Variants in ADK observed in about 807,000 individuals in gnomAD.
ADK encodes the protein adenosine kinase.
A neutral mutation model predicts 44.7 loss-of-function variants in ADK; 24 were observed. That is an observed-to-expected ratio of 0.54 (90% confidence interval 0.39 to 0.76). The LOEUF (loss-of-function observed/expected upper bound fraction) is 0.76. Among genes scored for constraint, ADK ranks in the 30% least tolerant of loss-of-function variants. The pLI is 0.00. For synonymous variants in ADK, 128 were observed against 142.6 expected, an observed-to-expected ratio of 0.90 and a Z score of 0.73; for missense variants, 321 against 425.1, an observed-to-expected ratio of 0.76 and a Z score of 2.15.
chr10:74,396,677 G>A (rs1843522381), intron 5 of ADK, among the ~76,000 whole-genome samples: 1 of 152,004 alleles, frequency 6.6e-6, no homozygotes, highest in Non-Finnish European at 1.5e-5. Flanking sequence ...TTTCTGGTCG[G>A]GCATGGCAGC....
At chr10:74,162,798 C>A (rs1261692399) in intron 1 of ADK, among the ~76,000 whole-genome samples, 1 of 152,092 alleles carries the variant, frequency 6.6e-6, no homozygotes, top group Non-Finnish European at 1.5e-5. Flanking sequence ...CTGGCTTGGC[C>A]TCCCAAAGTT....
intron 4 of ADK, among the ~76,000 whole-genome samples, chr10:74,323,771 C>T (rs1057172367): frequency 3.3e-5 from 5 of 151,964 alleles, no homozygotes; most frequent in African/African-American, 7.2e-5. Context: ...GAGGTTTCAC[C>T]GTGTTAGCCA....
intron 1 of ADK, among the ~76,000 whole-genome samples, chr10:74,163,182 G>A (rs1480222142): frequency 2.0e-5 from 3 of 152,122 alleles, no homozygotes; most frequent in Non-Finnish European, 4.4e-5. Flanking sequence ...TAGCCAGGAT[G>A]TTCTCGATCT....
intron 6 of ADK, among the ~76,000 whole-genome samples, chr10:74,475,354 C>T (rs2133320389): frequency 6.6e-6 from 1 of 152,192 alleles, no homozygotes; most frequent in Non-Finnish European, 1.5e-5. Flanking sequence ...CTTTCTGGCA[C>T]TACAAGATCA....
At chr10:74,365,687 T>C (rs1842476121) in intron 4 of ADK, among the ~76,000 whole-genome samples, 1 of 152,220 alleles carries the variant, frequency 6.6e-6, no homozygotes, top group Non-Finnish European at 1.5e-5. Context: ...CTTACCTAAA[T>C]GCTTTGGCTG....
At chr10:74,317,040 A>G (rs1203033219) in intron 4 of ADK, among the ~76,000 whole-genome samples, 2 of 152,330 alleles carry the variant, frequency 1.3e-5, no homozygotes, top group East Asian at 3.9e-4. Context: ...ACTTTCATGT[A>G]TCAAGTGATA....
intron 8 of ADK, among the ~76,000 whole-genome samples, chr10:74,593,136 G>C (rs890682236): frequency 6.6e-6 from 1 of 152,162 alleles, no homozygotes; most frequent in Non-Finnish European, 1.5e-5. Flanking sequence ...TGATCACTCA[G>C]AGTTTCAGAG....
At chr10:74,546,883 C>T (rs1849838204) in intron 7 of ADK, among the ~76,000 whole-genome samples, 1 of 152,068 alleles carries the variant, frequency 6.6e-6, no homozygotes, top group South Asian at 2.1e-4. Context: ...AAAATTCTGA[C>T]TCTAACAATG....
At chr10:74,338,925 T>G (rs1053364222) in intron 4 of ADK, among the ~76,000 whole-genome samples, 2 of 152,166 alleles carry the variant, frequency 1.3e-5, no homozygotes, top group Non-Finnish European at 2.9e-5. Flanking sequence ...GAACAATGCA[T>G]GTAATGTCTA....
At chr10:74,535,594 T>C (rs1393953000) in intron 7 of ADK, among the ~76,000 whole-genome samples, 1 of 151,126 alleles carries the variant, frequency 6.6e-6, no homozygotes, top group African/African-American at 2.4e-5. Context: ...TTTTTTTTTT[T>C]TTTTTGAGAC....
intron 4 of ADK, among the ~76,000 whole-genome samples, chr10:74,347,716 C>T (rs114122638): frequency 1.3e-3 from 201 of 152,198 alleles, no homozygotes; most frequent in African/African-American, 4.6e-3. Context: ...GACCTTGGAC[C>T]ATTGGGCTTG....
At chr10:74,297,034 C>T (rs1052613416) in intron 3 of ADK, among the ~76,000 whole-genome samples, 3 of 152,102 alleles carry the variant, frequency 2.0e-5, no homozygotes, top group African/African-American at 7.2e-5. Context: ...TTGTAGCTAC[C>T]CAATGGAAAA....
At chr10:74,706,870 C>A (rs1856620148) in intron 10 of ADK, among the ~76,000 whole-genome samples, 1 of 152,082 alleles carries the variant, frequency 6.6e-6, no homozygotes, top group Admixed American at 6.6e-5. Flanking sequence ...CCTTTGAACA[C>A]TTTATGTCTA....
intron 6 of ADK, among the ~76,000 whole-genome samples, chr10:74,485,155 A>C (rs759549738): frequency 6.6e-6 from 1 of 152,240 alleles, no homozygotes; most frequent in Non-Finnish European, 1.5e-5. Context: ...ATTAATATCC[A>C]TAATATATTT....
chr10:74,653,433 C>A (rs749232133), intron 9 of ADK, among the ~76,000 whole-genome samples: 10 of 152,102 alleles, frequency 6.6e-5, no homozygotes, highest in Admixed American at 1.3e-4. Context: ...GCCTGGGTGA[C>A]AGAGCAAGAC....
intron 6 of ADK, among the ~76,000 whole-genome samples, chr10:74,489,363 A>T (rs1035986018): frequency 6.6e-6 from 1 of 152,002 alleles, no homozygotes; most frequent in Admixed American, 6.6e-5. Flanking sequence ...AAGGAATGTC[A>T]TGTAGTTTGG....
chr10:74,499,351 C>A (rs899097332), intron 6 of ADK, among the ~76,000 whole-genome samples: 2 of 152,100 alleles, frequency 1.3e-5, no homozygotes, highest in Admixed American at 1.3e-4. Context: ...ATATTAAAGA[C>A]CCTATGAAAA....
At chr10:74,347,103 T>A (rs1387506351) in intron 4 of ADK, among the ~76,000 whole-genome samples, 1 of 61,616 alleles carries the variant, frequency 1.6e-5, no homozygotes, top group Non-Finnish European at 2.5e-5. Context: ...CGACACTCTG[T>A]CTCAAAAAAA....
At chr10:74,444,500 T>G (rs1327575306) in intron 6 of ADK, among the ~76,000 whole-genome samples, 15 of 152,160 alleles carry the variant, frequency 9.9e-5, no homozygotes, top group Admixed American at 5.9e-4. Flanking sequence ...ACAAGTTAAA[T>G]GTTCCTACTT....
Sources: gnomAD v4.1 joint callset for allele counts (sites outside exome capture counted in the v4.1 genomes callset) on GRCh38, gnomAD v4.1.1 for gene constraint, MANE v1.5 for transcripts, NCBI Gene and HGNC (gene_info 2026-07-23, HGNC 2026-07-21) for gene names.